The following GHR variants were observed in gnomAD, a reference collection of about 807,000 sequenced individuals.
GHR encodes GH receptor.
GHR carries 35 observed loss-of-function variants against 67.1 expected under a neutral mutation model. The observed-to-expected ratio is 0.52, with a 90% CI of 0.40 to 0.69. The LOEUF (loss-of-function observed/expected upper bound fraction) is 0.69. Ranked by LOEUF, GHR falls within the 30% of genes least tolerant of loss-of-function variation. GHR has a pLI of 0.00. For synonymous variants in GHR, 272 were observed against 269.1 expected, an observed-to-expected ratio of 1.01 and a Z score of -0.10; for missense variants, 792 against 764.6, an observed-to-expected ratio of 1.04 and a Z score of -0.42.
chr5:42,433,480 G>T (rs76953202), intron 1 of GHR, among the ~76,000 whole-genome samples: 2,816 of 152,134 alleles, frequency 0.019, 154 homozygotes, highest in East Asian at 0.11. Context: ...CCAGGAATGT[G>T]CTAGACACTA....
intron 3 of GHR, among the ~76,000 whole-genome samples, chr5:42,646,172 G>A (rs1232340552): frequency 1.3e-5 from 2 of 152,104 alleles, no homozygotes; most frequent in Non-Finnish European, 2.9e-5. Flanking sequence ...TAGAACAGAG[G>A]CTTTGGGGAA....
chr5:42,456,413 G>A (rs574219503), intron 1 of GHR, among the ~76,000 whole-genome samples: 1 of 152,250 alleles, frequency 6.6e-6, no homozygotes, highest in South Asian at 2.1e-4. Context: ...TTTTAAGGTA[G>A]GACTAAAAAT....
Position 42,718,760 on chromosome 5 carries a change from A to C in GHR, c.1253A>C (p.Lys418Thr). The change falls in exon 10 of 10, where the codon AAA becomes ACA. Residue 418 changes from lysine to threonine, a missense_variant. Physicochemically the swap from Lys to Thr is moderately conservative, Grantham distance 78 (BLOSUM62 -1). Transcript: ENST00000230882. ...GAGGTTGCTCAGCCACAGAGGTTAA[A>C]AGGGGAAGCAGATCTCTTATGCCTT... ...TSEVAQPQRL[K>T]GEADLLCLDQ... 1 of 1,614,204 alleles carries C rather than the reference A, an allele frequency of 6.2e-7. No homozygotes were observed. The highest frequency in any genetic ancestry group is 8.5e-7 in the Non-Finnish European group (1 of 1,180,034).
intron 4 of GHR, among the ~76,000 whole-genome samples, chr5:42,689,990 C>G (rs1284838909): frequency 6.6e-6 from 1 of 152,098 alleles, no homozygotes; most frequent in Non-Finnish European, 1.5e-5. Context: ...TTATTTCTTC[C>G]CCTTCACCTG....
intron 1 of GHR, among the ~76,000 whole-genome samples, chr5:42,488,484 C>T (rs888391850): frequency 6.6e-6 from 1 of 152,174 alleles, no homozygotes; most frequent in African/African-American, 2.4e-5. Context: ...CTCATTTCAT[C>T]TGCTCTTTCT....
chr5:42,430,893 G>A (rs950963827), intron 1 of GHR, among the ~76,000 whole-genome samples: 1 of 152,092 alleles, frequency 6.6e-6, no homozygotes, highest in Non-Finnish European at 1.5e-5. Flanking sequence ...AAACGTCTAA[G>A]TTAGGATGAT....
At chr5:42,712,897 C>A (rs190301191) in intron 7 of GHR, among the ~76,000 whole-genome samples, 1 of 150,666 alleles carries the variant, frequency 6.6e-6, no homozygotes, top group East Asian at 1.9e-4. Flanking sequence ...GATATAAATA[C>A]GTATATTTAT....
At chr5:42,461,938 G>A (rs2112046964) in intron 1 of GHR, among the ~76,000 whole-genome samples, 1 of 152,300 alleles carries the variant, frequency 6.6e-6, no homozygotes, top group Admixed American at 6.5e-5. Flanking sequence ...CTTTGCCTCT[G>A]GCAGACCCCT....
chr5:42,508,085 C>T (rs1746853764), intron 1 of GHR, among the ~76,000 whole-genome samples: 1 of 152,152 alleles, frequency 6.6e-6, no homozygotes, highest in Non-Finnish European at 1.5e-5. Context: ...AGGACCTTGA[C>T]CTCATTTGAT....
intron 4 of GHR, among the ~76,000 whole-genome samples, chr5:42,689,695 TATGGGA>T (rs1459889670): frequency 6.6e-6 from 1 of 152,100 alleles, no homozygotes; most frequent in Non-Finnish European, 1.5e-5. Flanking sequence ...AGGAGAGTGA[TATGGGA>T]AGGGATCAGA....
intron 3 of GHR, among the ~76,000 whole-genome samples, chr5:42,673,271 G>A (rs911766943): frequency 6.6e-6 from 1 of 152,110 alleles, no homozygotes; most frequent in African/African-American, 2.4e-5. Flanking sequence ...ACGCTGGCAA[G>A]GCTGCAGAAA....
Position 42,718,502 on chromosome 5 carries a change from A to G in GHR, c.995A>G (p.Tyr332Cys), listed in dbSNP as rs540473875. ...VNTILAIHDS[Y>C]KPEFHSDDSW... ...ACAATCTTAGCCATTCATGATAGCT[A>G]TAAACCCGAATTCCACAGTGATGAC... Residue 332 changes from tyrosine to cysteine, a missense_variant, in exon 10 of 10, where the codon TAT becomes TGT. Coordinates refer to ENST00000230882, the MANE Select transcript of GHR (RefSeq NM_000163.5). 274 of 1,612,692 alleles carry G rather than the reference A, an allele frequency of 1.7e-4. 4 individuals carry two copies. The South Asian group carries it at 2.9e-3, about 17-fold the overall frequency.
chr5:42,677,662 G>A (rs1386073839), intron 3 of GHR, among the ~76,000 whole-genome samples: 1 of 152,114 alleles, frequency 6.6e-6, no homozygotes, highest in East Asian at 1.9e-4. Flanking sequence ...GTTCAGTACA[G>A]CTTTGAATGC....
rs1240607688 is a variant in GHR at position 42,528,592 on chromosome 5, G to T, written c.-11-37272G>T. 3.3e-5 allele frequency among the ~76,000 whole-genome samples: 5 copies of T among 152,166 alleles called. 1 individual carries two copies. The highest frequency in any genetic ancestry group is 9.7e-5 in the African/African-American group (4 of 41,448). On this transcript the variant is annotated intron_variant, in intron 1 of 9. Transcript: ENST00000230882. ...AAGATGCCATGAACACTGTTGAAAT[G>T]GCAAAAGATTTAGAATATGACATAA...
chr5:42,661,611 A>G (rs988809577), intron 3 of GHR, among the ~76,000 whole-genome samples: 3 of 152,254 alleles, frequency 2.0e-5, no homozygotes, highest in African/African-American at 7.2e-5. Flanking sequence ...GAAGCACTAA[A>G]CATGGAAAGG....
chr5:42,556,285 T>C (rs1749304926), intron 1 of GHR, among the ~76,000 whole-genome samples: 1 of 152,182 alleles, frequency 6.6e-6, no homozygotes, highest in Admixed American at 6.5e-5. Context: ...ATTATAGTAA[T>C]CATTGTTAGA....
intron 1 of GHR, among the ~76,000 whole-genome samples, chr5:42,550,614 C>T (rs1359202666): frequency 6.6e-6 from 1 of 152,186 alleles, no homozygotes; most frequent in African/African-American, 2.4e-5. Context: ...TCACACATCT[C>T]AATCTCTCTG....
chr5:42,432,757 T>C (rs1237403751), intron 1 of GHR, among the ~76,000 whole-genome samples: 2 of 152,178 alleles, frequency 1.3e-5, no homozygotes, highest in African/African-American at 4.8e-5. Context: ...TCAGAAAGAT[T>C]AAAGAAAGAG....
At chr5:42,573,835 G>GA (rs1750474745) in intron 2 of GHR, among the ~76,000 whole-genome samples, 3 of 152,214 alleles carry the variant, frequency 2.0e-5, no homozygotes, top group Non-Finnish European at 4.4e-5. Context: ...TTCTGAATAT[G>GA]AAAAAATGAT....
Sources: allele counts gnomAD v4.1 joint callset (sites outside exome capture counted in the v4.1 genomes callset), GRCh38; gene constraint gnomAD v4.1.1; transcripts MANE v1.5; gene names NCBI Gene and HGNC (gene_info 2026-07-23, HGNC 2026-07-21).